The following PLEKHA3 variants were observed in gnomAD, a reference collection of about 807,000 sequenced individuals.
PLEKHA3 encodes pleckstrin homology domain containing A3.
PLEKHA3 carries 19 observed loss-of-function variants against 39.2 expected under a neutral mutation model. The ratio of observed to expected loss-of-function variants is 0.48; its 90% confidence interval spans 0.34 to 0.71. The LOEUF is 0.71. Ranked by LOEUF, PLEKHA3 falls within the 30% of genes least tolerant of loss-of-function variation. The pLI, the probability that PLEKHA3 is intolerant of heterozygous loss-of-function variation, is 0.01. For synonymous variants in PLEKHA3, 97 were observed against 118.6 expected, an observed-to-expected ratio of 0.82 and a Z score of 1.18; for missense variants, 253 against 359.5, an observed-to-expected ratio of 0.70 and a Z score of 2.40.
intron 3 of PLEKHA3, among the ~76,000 whole-genome samples, chr2:178,493,411 AT>A (rs1282548144): frequency 6.6e-6 from 1 of 152,246 alleles, no homozygotes; most frequent in Non-Finnish European, 1.5e-5. Flanking sequence ...TTTGCAGTAT[AT>A]AAGATAGAGG....
rs899985976 is a variant in PLEKHA3 at position 178,512,240 on chromosome 2, A to G, written c.*8353A>G. 6.6e-6 allele frequency: 1 copy of G among 152,222 alleles called. No individual in the cohort carries two copies. Among genetic ancestry groups the G allele is most frequent in the African/African-American group, 2.4e-5 (1 of 41,446 alleles). The allele number at this position is 152,222 out of a possible 1,614,324, so 9.4% of individuals were successfully genotyped here. A position where few individuals can be genotyped will look rare whatever the true frequency, so the allele number is the denominator to read the frequency against. On this transcript the variant is annotated 3_prime_UTR_variant, in exon 8 of 8. Transcript: ENST00000234453. The stretch of plus-strand genomic sequence containing the variant: ...AAATAATTCAGAATGTATCCACAAA[A>G]CCTAGAATATATGACAGGGTGGATT...
At position 178,516,059 on chromosome 2, in the gene PLEKHA3, C is replaced by T. The variant is rs1043499880; in HGVS notation, c.*12172C>T. 3 of 150,796 alleles carry T rather than the reference C, an allele frequency of 2.0e-5. No individual in the cohort carries two copies. The highest frequency in any genetic ancestry group is 7.3e-5 in the African/African-American group (3 of 41,144). The allele number at this position is 150,796 out of a possible 1,614,324, so 9.3% of individuals were successfully genotyped here. A position where few individuals can be genotyped will look rare whatever the true frequency, so the allele number is the denominator to read the frequency against. ...TATATAGCTTATATATGTGTATATA[C>T]ACATACATATATATATATACATACA... On this transcript the variant is annotated 3_prime_UTR_variant, in exon 8 of 8. Coordinates refer to ENST00000234453, the MANE Select transcript of PLEKHA3 (RefSeq NM_019091.4).
rs747916008 is a variant in PLEKHA3, at chr2:178,493,910, G to A, written c.371G>A (p.Cys124Tyr). The change falls in exon 4 of 8, where the codon TGT becomes TAT. Residue 124 changes from cysteine (C) to tyrosine (Y), a missense_variant. Cys to Tyr is a radical substitution (Grantham distance 194, BLOSUM62 -2). This residue lies in a region of PLEKHA3 where 126 missense variants were observed against 222.7 expected (regional missense o/e 0.57). Coordinates refer to ENST00000234453, the MANE Select transcript of PLEKHA3 (RefSeq NM_019091.4). ...AAAATGTCTGAACTTCGCCTCTACT[G>A]TGACCTCTTAATGCAGCAAGTTCAT... is the stretch of plus-strand genomic sequence containing the variant. The part of the protein sequence containing the change: ...KTKMSELRLY[C>Y]DLLMQQVHTI... The A allele has an allele frequency of 1.2e-6, 2 of 1,614,030 alleles. No homozygotes were observed. Among genetic ancestry groups the A allele is most frequent in the Admixed American group, 1.7e-5 (1 of 60,016 alleles).
At chr2:178,499,145 G>T in intron 5 of PLEKHA3, 66 bp from the exon 6 acceptor site, 1 of 1,430,668 alleles carries the variant, frequency 7.0e-7, no homozygotes, top group Non-Finnish European at 9.6e-7. Context: ...TAGTAAATTA[G>T]AGCTGCATGA....
At position 178,503,770 on chromosome 2, in the gene PLEKHA3, C is replaced by T. The variant is rs139167699; in HGVS notation, c.786C>T (p.His262=). ...IPLEDPDRPV[H]CSKNTLNGDL... is the part of the protein sequence containing the mutation. ...TCAATGTCTTCATAGGACCTGTTCA[C>T]TGTTCAAAAAATACACTTAATGGAG... The change falls in exon 8 of 8, where the codon CAC becomes CAT. Residue 262 remains histidine (H), a synonymous_variant. Coordinates refer to ENST00000234453, the MANE Select transcript of PLEKHA3 (RefSeq NM_019091.4). 3.4e-5 allele frequency: 55 copies of T among 1,611,274 alleles called. No homozygotes were observed. The highest frequency in any genetic ancestry group is 4.4e-5 in the Non-Finnish European group (52 of 1,178,000).
intron 7 of PLEKHA3, chr2:178,502,230 C>CTTT (rs146472277): frequency 4.5e-5 from 7 of 154,738 alleles, no homozygotes; most frequent in African/African-American, 1.4e-4. Context: ...TTGATAGAAT[C>CTTT]TTTTTTTTTT....
chr2:178,512,894 C>T lies in PLEKHA3; in HGVS notation c.*9007C>T, dbSNP rs1558934478. The T allele has an allele frequency of 6.5e-6, 1 of 153,762 alleles. No individual in the cohort carries two copies. Among genetic ancestry groups the T allele is most frequent in the Non-Finnish European group, 1.5e-5 (1 of 68,056 alleles). The allele number at this position is 153,762 out of a possible 1,614,324, so 9.5% of individuals were successfully genotyped here. A position where few individuals can be genotyped will look rare whatever the true frequency, so the allele number is the denominator to read the frequency against. The stretch of plus-strand genomic sequence containing the variant: ...GAATAAACCAAAATTCACCTTGACA[C>T]TCCATCCCCTAGAGGTAACCATTCT... On this transcript the variant is annotated 3_prime_UTR_variant, in exon 8 of 8. Transcript: ENST00000234453.
intron 4 of PLEKHA3, 122 bp from the exon 5 acceptor site, chr2:178,495,374 A>G: frequency 1.1e-6 from 1 of 941,480 alleles, no homozygotes; most frequent in African/African-American, 1.7e-5. Context: ...TGTATTTTAA[A>G]TAAATTTGAA....
intron 7 of PLEKHA3, 46 bp downstream of exon 7, chr2:178,501,222 A>G (rs1685525891): frequency 7.3e-7 from 1 of 1,371,354 alleles, no homozygotes; most frequent in Non-Finnish European, 1.0e-6. Flanking sequence ...ATTCAGCAAA[A>G]TTACTGTGGG....
chr2:178,493,826 C>T (rs1322921335), intron 3 of PLEKHA3, 27 bp from the exon 4 acceptor site: 2 of 1,579,914 alleles, frequency 1.3e-6, no homozygotes. Flanking sequence ...AATGATCTAA[C>T]TGTATATTTA....
At chr2:178,495,386 A>G in intron 4 of PLEKHA3, 110 bp from the exon 5 acceptor site, 5 of 1,037,882 alleles carry the variant, frequency 4.8e-6, no homozygotes, top group Non-Finnish European at 7.0e-6. Context: ...AAATTTGAAC[A>G]TAACATAGTA....
In PLEKHA3 at chr2:178,509,909, C is replaced by G. The variant is rs1428701346; in HGVS notation, c.*6022C>G. 6.6e-6 allele frequency: 1 copy of G among 152,098 alleles called. No individual in the cohort carries two copies. Among genetic ancestry groups the G allele is most frequent in the Non-Finnish European group, 1.5e-5 (1 of 68,018 alleles). The allele number at this position is 152,098 out of a possible 1,614,324, so 9.4% of individuals were successfully genotyped here. ...TACATTTTTTTTGGACAGTCTCTGT[C>G]GCCCAGGCCGGAGTGCAGTGGCGCG... On this transcript the variant is annotated 3_prime_UTR_variant, in exon 8 of 8. Transcript: ENST00000234453.
intron 7 of PLEKHA3, among the ~76,000 whole-genome samples, chr2:178,501,684 G>C (rs1335482856): frequency 6.6e-6 from 1 of 151,900 alleles, no homozygotes. Context: ...AATGTTTTTA[G>C]GAAAGGTTTT....
At position 178,507,313 on chromosome 2, in the gene PLEKHA3, AATAG is replaced by A. The variant is rs1416405081; in HGVS notation, c.*3432_*3435del. 2 of 152,216 alleles carry A rather than the reference AATAG, an allele frequency of 1.3e-5. No individual in the cohort carries two copies. Among genetic ancestry groups the A allele is most frequent in the Non-Finnish European group, 2.9e-5 (2 of 68,020 alleles). 9.4% of individuals were successfully genotyped at this position (152,216 alleles called of 1,614,324 possible). ...TTTAGTTAGAACAAACTTTTTGTGAAATAGATAGACATAAATGTAGTTCACTGAT... is the reference window on the plus strand; with the variant it reads ...TTTAGTTAGAACAAACTTTTTGTGAAATAGACATAAATGTAGTTCACTGAT... On this transcript the variant is annotated 3_prime_UTR_variant, in exon 8 of 8. Coordinates refer to ENST00000234453, the MANE Select transcript of PLEKHA3 (RefSeq NM_019091.4).
chr2:178,489,932 C>G (rs1249479426), intron 2 of PLEKHA3, among the ~76,000 whole-genome samples: 1 of 152,188 alleles, frequency 6.6e-6, no homozygotes, highest in East Asian at 1.9e-4. Context: ...GAAGCAAAGA[C>G]ACCTTTTTTC....
At chr2:178,502,389 CTT>C (rs1204043655) in intron 7 of PLEKHA3, 3 of 424,360 alleles carry the variant, frequency 7.1e-6, no homozygotes, top group Non-Finnish European at 1.4e-5. Context: ...GAGAAAGAAA[CTT>C]TCTTGGGCCA....
chr2:178,503,768 C>A lies in PLEKHA3; in HGVS notation c.784C>A (p.His262Asn). Residue 262 changes from histidine (H) to asparagine (N), a missense_variant, in exon 8 of 8, where the codon CAC becomes AAC. Transcript: ENST00000234453. ...IPLEDPDRPV[H>N]CSKNTLNGDL... is the part of the protein sequence containing the mutation. ...TATCAATGTCTTCATAGGACCTGTTCACTGTTCAAAAAATACACTTAATGG... is the reference window on the plus strand; with the variant it reads ...TATCAATGTCTTCATAGGACCTGTTAACTGTTCAAAAAATACACTTAATGG... 2 of 1,611,252 alleles carry A rather than the reference C, an allele frequency of 1.2e-6. No homozygotes were observed. Among genetic ancestry groups the A allele is most frequent in the South Asian group, 1.1e-5 (1 of 90,962 alleles).
intron 7 of PLEKHA3, among the ~76,000 whole-genome samples, 171 bp from the exon 8 acceptor site, chr2:178,503,589 A>T (rs1464407319): frequency 6.6e-6 from 1 of 151,916 alleles, no homozygotes; most frequent in Non-Finnish European, 1.5e-5. Context: ...GGCTGTTGAT[A>T]CTCTAGTCTA....
rs1685705677 is a variant in PLEKHA3 at position 178,512,593 on chromosome 2, ATCAGGAGCTATAACCACAC to A, written c.*8709_*8727del. On this transcript the variant is annotated 3_prime_UTR_variant, in exon 8 of 8. Transcript: ENST00000234453. ...CAAAGGAGAGAGAATAGAATCAGCC[ATCAGGAGCTATAACCACAC>A]TCTTCTTTCTCAACCTTTTCTGGTA... 1 of 153,518 alleles carries A rather than the reference ATCAGGAGCTATAACCACAC, an allele frequency of 6.5e-6. No individual in the cohort carries two copies. Among genetic ancestry groups the A allele is most frequent in the South Asian group, 2.1e-4 (1 of 4,834 alleles). The allele number at this position is 153,518 out of a possible 1,614,324, so 9.5% of individuals were successfully genotyped here. A position where few individuals can be genotyped will look rare whatever the true frequency, so the allele number is the denominator to read the frequency against.
Sources: allele counts gnomAD v4.1 joint callset (sites outside exome capture counted in the v4.1 genomes callset), GRCh38; gene constraint gnomAD v4.1.1; regional missense constraint gnomAD v4.1.1; transcripts MANE v1.5; gene names NCBI Gene and HGNC (gene_info 2026-07-23, HGNC 2026-07-21).